RETREG1: variants seen among roughly 807,000 people sequenced by gnomAD.
RETREG1 encodes reticulophagy regulator 1.
A neutral mutation model predicts 54.8 loss-of-function variants in RETREG1; 44 were observed. The ratio of observed to expected loss-of-function variants is 0.80; its 90% CI spans 0.63 to 1.03. RETREG1 has a LOEUF of 1.03. Among genes scored for constraint, RETREG1 ranks in the 50% least tolerant of loss-of-function variants. The probability of loss-of-function intolerance (pLI) is 0.00; values close to 1 mark genes in which losing one functional copy is unlikely to be tolerated. For missense variants in RETREG1, 554 were observed against 605.1 expected, an observed-to-expected ratio of 0.92 and a Z score of 0.89; for synonymous variants, 217 against 238.5, an observed-to-expected ratio of 0.91 and a Z score of 0.83.
chr5:16,551,252 T>C (rs2617428), intron 3 of RETREG1, among the ~76,000 whole-genome samples: 51,423 of 151,768 alleles, frequency 0.34, 10,187 homozygotes, highest in Non-Finnish European at 0.44. Context: ...TTGAATTTGG[T>C]TTTTCACTCC....
At chr5:16,583,051 AG>A (rs1374991927) in intron 1 of RETREG1, among the ~76,000 whole-genome samples, 3 of 152,188 alleles carry the variant, frequency 2.0e-5, no homozygotes, top group Non-Finnish European at 4.4e-5. Context: ...GCAATGCAGG[AG>A]GTCACAGCAA....
intron 3 of RETREG1, among the ~76,000 whole-genome samples, chr5:16,559,090 GA>G: frequency 6.6e-6 from 1 of 152,254 alleles, no homozygotes; most frequent in South Asian, 2.1e-4. Flanking sequence ...TACAACCAAA[GA>G]TTCTTGAATC....
In RETREG1 at chr5:16,548,084, A is replaced by G. The variant is rs193208621; in HGVS notation, c.458+17679T>C. The stretch of plus-strand genomic sequence containing the variant: ...CTTTGAAAGACACTAAATACAAAAT[A>G]AAAACACACAACTCTATGAAATAAA... On this transcript the variant is annotated intron_variant, in intron 3 of 8. Transcript: ENST00000306320. Among the ~76,000 whole-genome samples, 603 of 152,330 alleles carry G rather than the reference A, an allele frequency of 4.0e-3. 2 individuals are homozygous for G. Among genetic ancestry groups the G allele is most frequent in the Non-Finnish European group, 7.1e-3 (481 of 68,036 alleles).
intron 3 of RETREG1, among the ~76,000 whole-genome samples, chr5:16,506,140 G>A (rs1192905698): frequency 1.3e-5 from 2 of 152,202 alleles, no homozygotes; most frequent in Non-Finnish European, 2.9e-5. Flanking sequence ...CTGGATGCCT[G>A]GGCCCTACAC....
At chr5:16,521,573 T>C (rs375427544) in intron 3 of RETREG1, among the ~76,000 whole-genome samples, 6 of 152,138 alleles carry the variant, frequency 3.9e-5, no homozygotes, top group African/African-American at 1.4e-4. Flanking sequence ...GAAGTGGAAA[T>C]TTTCAAAGTC....
chr5:16,478,754 G>A lies in RETREG1; in HGVS notation c.808+96C>T, dbSNP rs1036118228. The A allele has an allele frequency of 4.5e-5, 52 of 1,167,264 alleles. No individual in the cohort carries two copies. In the Middle Eastern group the frequency reaches 1.1e-3, roughly 24 times the overall value. 72.3% of individuals were successfully genotyped at this position (1,167,264 alleles called of 1,614,324 possible). The stretch of plus-strand genomic sequence containing the variant: ...CTTCTATAATAATATTTAGTAAAAA[G>A]CTAAAAGTATCCTCAAATGTATTAA... On this transcript the variant is annotated intron_variant, in intron 6 of 8. Coordinates refer to ENST00000306320, the MANE Select transcript of RETREG1 (RefSeq NM_001034850.3).
chr5:16,614,945 C>T (rs547880736), intron 1 of RETREG1, among the ~76,000 whole-genome samples: 1 of 152,180 alleles, frequency 6.6e-6, no homozygotes, highest in Non-Finnish European at 1.5e-5. Context: ...GAAAGAGACA[C>T]AGGAAACTAG....
At chr5:16,553,854 G>A (rs981234146) in intron 3 of RETREG1, among the ~76,000 whole-genome samples, 5 of 152,048 alleles carry the variant, frequency 3.3e-5, no homozygotes, top group African/African-American at 9.7e-5. Flanking sequence ...CAGGTAGGCC[G>A]ACAGACAGAC....
chr5:16,519,152 C>A (rs1167568165), intron 3 of RETREG1, among the ~76,000 whole-genome samples: 1 of 152,160 alleles, frequency 6.6e-6, no homozygotes, highest in Non-Finnish European at 1.5e-5. Context: ...TGACTATGTG[C>A]ACCCCGCTGC....
At chr5:16,479,770 T>C (rs550222556) in intron 5 of RETREG1, among the ~76,000 whole-genome samples, 1 of 152,228 alleles carries the variant, frequency 6.6e-6, no homozygotes, top group South Asian at 2.1e-4. Flanking sequence ...GTGTCCCGTA[T>C]TATATTTTAA....
intron 1 of RETREG1, among the ~76,000 whole-genome samples, chr5:16,599,885 G>A (rs1743005454): frequency 6.6e-6 from 1 of 152,234 alleles, no homozygotes; most frequent in Non-Finnish European, 1.5e-5. Context: ...GCTCCAGGGT[G>A]ATAACTGAGC....
At chr5:16,573,474 T>A (rs380796) in intron 1 of RETREG1, among the ~76,000 whole-genome samples, 52,058 of 151,946 alleles carry the variant, frequency 0.34, 10,404 homozygotes, top group Non-Finnish European at 0.44. Flanking sequence ...TCAGAACTCA[T>A]AGAAAAATTA....
chr5:16,573,742 G>GTTT (rs34651832), intron 1 of RETREG1, among the ~76,000 whole-genome samples: 2 of 126,468 alleles, frequency 1.6e-5, no homozygotes, highest in African/African-American at 2.9e-5. Context: ...TTTGTTTTTT[G>GTTT]TTTTTTTTTT....
chr5:16,598,442 G>T (rs1295491250), intron 1 of RETREG1, among the ~76,000 whole-genome samples: 2 of 152,148 alleles, frequency 1.3e-5, no homozygotes, highest in African/African-American at 2.4e-5. Context: ...ATTTGCTAAT[G>T]AAACAAACCA....
chr5:16,507,411 A>G (rs1298852551), intron 3 of RETREG1, among the ~76,000 whole-genome samples: 2 of 152,232 alleles, frequency 1.3e-5, no homozygotes, highest in Admixed American at 1.3e-4. Context: ...AAATCAACCC[A>G]TGATCTCAAA....
rs26016 is a variant in RETREG1 at position 16,473,729 on chromosome 5, C to T, written c.*1012G>A. ...CTATCTTCCCAATAAGAAACAGATT[C>T]CATATTTATACTTAAATGGCAAATA... On this transcript the variant is annotated 3_prime_UTR_variant, in exon 9 of 9. Transcript: ENST00000306320. 0.37 allele frequency: 56,636 copies of T among 152,010 alleles called. 10,764 individuals are homozygous for T. The highest frequency in any genetic ancestry group is 0.46 in the East Asian group (2,373 of 5,156). 9.4% of individuals were successfully genotyped at this position (152,010 alleles called of 1,614,324 possible). A position where few individuals can be genotyped will look rare whatever the true frequency, so the allele number is the denominator to read the frequency against.
chr5:16,566,590 AG>A (rs1742020648), intron 2 of RETREG1, among the ~76,000 whole-genome samples: 3 of 152,244 alleles, frequency 2.0e-5, no homozygotes, highest in Admixed American at 6.5e-5. Flanking sequence ...TCCCCTATCG[AG>A]AGCTATGGGA....
chr5:16,564,577 G>T (rs145189191), intron 3 of RETREG1, among the ~76,000 whole-genome samples: 1 of 152,102 alleles, frequency 6.6e-6, no homozygotes, highest in African/African-American at 2.4e-5. Flanking sequence ...CTGCCTATGC[G>T]CAGCACACAG....
At chr5:16,554,969 T>C (rs1297973596) in intron 3 of RETREG1, among the ~76,000 whole-genome samples, 1 of 152,152 alleles carries the variant, frequency 6.6e-6, no homozygotes, top group African/African-American at 2.4e-5. Context: ...AAATCTCCAG[T>C]AACATCTTTC....
Sources: gnomAD v4.1 joint callset for allele counts (sites outside exome capture counted in the v4.1 genomes callset) on GRCh38, gnomAD v4.1.1 for gene constraint, MANE v1.5 for transcripts, NCBI Gene and HGNC (gene_info 2026-07-23, HGNC 2026-07-21) for gene names.